Variants in MRPL43 observed in about 807,000 individuals in gnomAD.
The protein encoded by MRPL43 is large ribosomal subunit protein mL43.
Under a neutral mutation model 12.7 loss-of-function variants are expected in MRPL43, and 9 were observed. That is an observed-to-expected ratio of 0.71 (90% CI 0.43 to 1.24). The LOEUF is 1.24. Ranked by LOEUF, MRPL43 falls within the 50% of genes most tolerant of loss-of-function variation. MRPL43 has a pLI of 0.00. For synonymous variants in MRPL43, 116 were observed against 96.4 expected, an observed-to-expected ratio of 1.20 and a Z score of -1.19; for missense variants, 211 against 229.2, an observed-to-expected ratio of 0.92 and a Z score of 0.51.
chr10:100,978,263 GAACC>G, downstream of MRPL43: 1 of 1,567,862 alleles, frequency 6.4e-7, no homozygotes, highest in Non-Finnish European at 8.7e-7. Flanking sequence ...CCTGTCTTCG[GAACC>G]ACTTACTGCT....
chr10:100,985,037 C>T (rs1458477096), downstream of MRPL43: 3 of 916,824 alleles, frequency 3.3e-6, no homozygotes, highest in Admixed American at 3.1e-5. Context: ...AGTCCGTGGA[C>T]ATTTCAGAGG....
In MRPL43 at chr10:100,987,437, C is replaced by T; in HGVS notation, c.7G>A (p.Ala3Thr). The change falls in exon 1 of 3, where the codon GCG becomes ACG. Residue 3 changes from alanine to threonine, a missense_variant. Ala to Thr is a moderately conservative substitution (Grantham distance 58). Coordinates refer to ENST00000318364, the MANE Select transcript of MRPL43 (RefSeq NM_032112.3). ...AAGAAGCGGCTCGGAGTCCCGCGCG[C>T]CGTCATAGCTACAGCTTGGAGGCCG... Reference protein sequence around the residue: MTARGTPSRFLAS... With the variant: MTTRGTPSRFLAS... 1 of 1,612,190 alleles carries T rather than the reference C, an allele frequency of 6.2e-7. No individual in the cohort carries two copies. The highest frequency in any genetic ancestry group is 8.5e-7 in the Non-Finnish European group (1 of 1,179,832).
chr10:100,980,379 C>A (rs1192364237), downstream of MRPL43: 2 of 1,581,078 alleles, frequency 1.3e-6, no homozygotes, highest in Non-Finnish European at 1.7e-6. Context: ...CCCTGTTGGC[C>A]CTGATCACTA....
downstream of MRPL43, among the ~76,000 whole-genome samples, chr10:100,986,086 A>G (rs796970254): frequency 1.3e-5 from 2 of 152,232 alleles, no homozygotes; most frequent in South Asian, 4.1e-4. Flanking sequence ...GACCAGAGAA[A>G]GCTTGTCAGC....
chr10:100,984,649 G>C (rs1851335052), downstream of MRPL43: 1 of 1,536,160 alleles, frequency 6.5e-7, no homozygotes, highest in Non-Finnish European at 8.7e-7. Context: ...GGGCTGCAGT[G>C]CCCCCACCCT....
chr10:100,978,492 A>G, downstream of MRPL43: 2 of 1,604,926 alleles, frequency 1.2e-6, no homozygotes, highest in Non-Finnish European at 1.7e-6. Context: ...GTTGAATATG[A>G]CATGTCTCTC....
downstream of MRPL43, chr10:100,979,872 C>G: frequency 1.9e-6 from 3 of 1,613,994 alleles, no homozygotes; most frequent in Non-Finnish European, 2.5e-6. Flanking sequence ...CCTCAGCCAT[C>G]TGCCGCTATG....
downstream of MRPL43, chr10:100,979,173 C>T (rs751242836): frequency 2.5e-6 from 4 of 1,614,128 alleles, no homozygotes; most frequent in African/African-American, 5.3e-5. Flanking sequence ...TCATCTGCCA[C>T]ATTCCACTGT....
At chr10:100,982,229 AG>A (rs1366335319), downstream of MRPL43, among the ~76,000 whole-genome samples, 1 of 152,036 alleles carries the variant, frequency 6.6e-6, no homozygotes, top group African/African-American at 2.4e-5. Context: ...CAGCAGGCAG[AG>A]GGAGGCTGGC....
chr10:100,980,528 G>A (rs1160496711), downstream of MRPL43: 4 of 1,528,396 alleles, frequency 2.6e-6, no homozygotes, highest in East Asian at 4.5e-5. Flanking sequence ...GCAGGGTGCT[G>A]AGAGCAGATC....
At chr10:100,984,423 C>A, downstream of MRPL43, 1 of 1,476,686 alleles carries the variant, frequency 6.8e-7, no homozygotes, top group Non-Finnish European at 9.0e-7. Context: ...CTAACCTAAA[C>A]ACTTATAGGT....
downstream of MRPL43, chr10:100,978,433 T>A: frequency 1.2e-6 from 2 of 1,603,872 alleles, no homozygotes; most frequent in Non-Finnish European, 1.7e-6. Flanking sequence ...ATTTTTAGGA[T>A]GTGGATCTCA....
At chr10:100,980,227 G>A (rs778525725), downstream of MRPL43, 11 of 1,614,200 alleles carry the variant, frequency 6.8e-6, no homozygotes, top group Non-Finnish European at 9.3e-6. Context: ...TCGGCCCGTT[G>A]TGCCCACACG....
At position 100,986,881 on chromosome 10, in the gene MRPL43, G is replaced by T; in HGVS notation, c.333C>A (p.Asp111Glu). ...GGAAGGGCTTGCGGATGCGGATCAC[G>T]TCCAAGCCCGACTGGTCGGCCAGCT... ...VQKLADQSGL[D>E]VIRIRKPFHT... The change falls in exon 3 of 3, where the codon GAC (aspartate) becomes GAA (glutamate). Residue 111 changes from aspartate to glutamate, a missense_variant. Asp to Glu is a conservative substitution (Grantham distance 45). Transcript: ENST00000318364. The T allele has an allele frequency of 6.2e-7, 1 of 1,613,162 alleles. No individual in the cohort carries two copies. The highest frequency in any genetic ancestry group is 1.1e-5 in the South Asian group (1 of 91,082).
At chr10:100,978,827 T>C, downstream of MRPL43, 1 of 1,610,392 alleles carries the variant, frequency 6.2e-7, no homozygotes, top group Non-Finnish European at 8.5e-7. Flanking sequence ...CTCAAAAGCC[T>C]CTCAAACTGC....
At chr10:100,979,824 C>G, downstream of MRPL43, 1 of 1,611,602 alleles carries the variant, frequency 6.2e-7, no homozygotes, top group Non-Finnish European at 8.5e-7. Context: ...TAACTCACCC[C>G]CCTTGCCCTA....
At chr10:100,983,973 C>A (rs556496771), downstream of MRPL43, 4 of 1,612,464 alleles carry the variant, frequency 2.5e-6, no homozygotes, top group African/African-American at 5.3e-5. Flanking sequence ...ACTGCCCAGC[C>A]GGCTGCGGAG....
downstream of MRPL43, chr10:100,983,729 A>T: frequency 6.2e-7 from 1 of 1,613,510 alleles, no homozygotes; most frequent in East Asian, 2.2e-5. Flanking sequence ...GGGAAGGCAG[A>T]CGAGGGCGCC....
downstream of MRPL43, chr10:100,985,171 A>AGGGAAAGG (rs1237569905): frequency 5.5e-6 from 2 of 365,962 alleles, no homozygotes; most frequent in Non-Finnish European, 9.8e-6. Flanking sequence ...AGACTACAGC[A>AGGGAAAGG]GGGAAAGGGA....
Sources: gnomAD v4.1 joint callset for allele counts (sites outside exome capture counted in the v4.1 genomes callset) on GRCh38, gnomAD v4.1.1 for gene constraint, MANE v1.5 for transcripts, NCBI Gene and HGNC (gene_info 2026-07-23, HGNC 2026-07-21) for gene names.